STARD13: variants seen among roughly 807,000 people sequenced by gnomAD.
STARD13 encodes the protein StAR related lipid transfer domain containing 13.
In STARD13, 62 loss-of-function variants were observed where a neutral mutation model predicts 106.4. That is an observed-to-expected ratio of 0.58 (90% confidence interval 0.48 to 0.72). STARD13 has a LOEUF of 0.72. Ranked by LOEUF, STARD13 falls within the 30% of genes least tolerant of loss-of-function variation. STARD13 has a pLI of 0.00. For synonymous variants in STARD13, 565 were observed against 553.0 expected, an observed-to-expected ratio of 1.02 and a Z score of -0.31; for missense variants, 1,387 against 1,424.0, an observed-to-expected ratio of 0.97 and a Z score of 0.42.
the STARD13 span, among the ~76,000 whole-genome samples, chr13:33,526,480 A>G: frequency 6.6e-6 from 1 of 152,098 alleles, no homozygotes; most frequent in African/African-American, 2.4e-5. Flanking sequence ...GCTTATTTCC[A>G]TGGCTTTCTC....
At chr13:33,256,002 T>C (rs911620654) in intron 1 of STARD13, among the ~76,000 whole-genome samples, 4 of 152,218 alleles carry the variant, frequency 2.6e-5, no homozygotes, top group Non-Finnish European at 5.9e-5. Context: ...TAAATATACA[T>C]ACATAAGTTG....
chr13:33,211,093 T>C (rs117258661), intron 1 of STARD13, among the ~76,000 whole-genome samples: 3,577 of 152,160 alleles, frequency 0.024, 67 homozygotes, highest in Non-Finnish European at 0.037. Flanking sequence ...GGATCATTCC[T>C]TTTTAGTAAA....
At chr13:33,313,559 C>T (rs974964862) in intron 1 of STARD13, among the ~76,000 whole-genome samples, 1 of 152,134 alleles carries the variant, frequency 6.6e-6, no homozygotes, top group African/African-American at 2.4e-5. Flanking sequence ...TTCTGGAAAG[C>T]ATCCCACAAT....
At chr13:33,461,957 TTCTC>T in the STARD13 span, among the ~76,000 whole-genome samples, 2 of 152,144 alleles carry the variant, frequency 1.3e-5, no homozygotes, top group Non-Finnish European at 2.9e-5. Context: ...CTATATGATT[TTCTC>T]TCTAATTTTT....
At chr13:33,447,229 G>A in the STARD13 span, among the ~76,000 whole-genome samples, 25 of 152,136 alleles carry the variant, frequency 1.6e-4, no homozygotes, top group Non-Finnish European at 2.9e-5. Flanking sequence ...ACCTAAAAAC[G>A]TCCGTCTCTT....
the STARD13 span, among the ~76,000 whole-genome samples, chr13:33,468,306 A>G: frequency 6.6e-6 from 1 of 152,140 alleles, no homozygotes; most frequent in Non-Finnish European, 1.5e-5. Flanking sequence ...TTTAGCTTTT[A>G]CCTTTTACTG....
At position 33,130,076 on chromosome 13, in the gene STARD13, C is replaced by G; in HGVS notation, c.601G>C (p.Glu201Gln). Reference sequence around the variant, plus strand: ...CGACTGTCGCTGCCTCCACTGCTTTCGCTGTGAATGGAGCAGACCTCAGGC... The same window carrying G: ...CGACTGTCGCTGCCTCCACTGCTTTGGCTGTGAATGGAGCAGACCTCAGGC... ...SEPEVCSIHS[E>Q]SSGGSDSRSQ... The change falls in exon 5 of 14, where the codon GAA becomes CAA. Residue 201 changes from glutamate (E) to glutamine (Q), a missense_variant. Coordinates refer to ENST00000336934, the MANE Select transcript of STARD13 (RefSeq NM_178006.4). This position sits in a 1 kb window ranked among gnomAD's most constrained non-coding sequence, Gnocchi z 4.1. 1 of 1,613,970 alleles carries G rather than the reference C, an allele frequency of 6.2e-7. No individual in the cohort carries two copies. Among genetic ancestry groups the G allele is most frequent in the Non-Finnish European group, 8.5e-7 (1 of 1,179,976 alleles).
chr13:33,107,852 T>C (rs1194014117), intron 12 of STARD13, among the ~76,000 whole-genome samples: 2 of 152,158 alleles, frequency 1.3e-5, no homozygotes, highest in Non-Finnish European at 1.5e-5. Context: ...CAGGGATCTA[T>C]CATAATAGAT....
chr13:33,413,320 C>T, the STARD13 span, among the ~76,000 whole-genome samples: 2 of 151,664 alleles, frequency 1.3e-5, no homozygotes, highest in African/African-American at 4.8e-5. Context: ...GGAAAAGTCT[C>T]AAATCAATAA....
chr13:33,294,794 T>G (rs553241771), intron 1 of STARD13, among the ~76,000 whole-genome samples: 10 of 152,322 alleles, frequency 6.6e-5, no homozygotes, highest in Non-Finnish European at 7.3e-5. Flanking sequence ...CCTCCCATCT[T>G]GAACAACAGT....
chr13:33,312,893 A>T (rs550325930), intron 1 of STARD13, among the ~76,000 whole-genome samples: 12 of 152,356 alleles, frequency 7.9e-5, no homozygotes, highest in Non-Finnish European at 1.8e-4. Flanking sequence ...TTGTTGAGCC[A>T]GATTTACCAG....
intron 1 of STARD13, among the ~76,000 whole-genome samples, chr13:33,283,460 G>A (rs1475128214): frequency 6.6e-6 from 1 of 152,144 alleles, no homozygotes; most frequent in Non-Finnish European, 1.5e-5. Context: ...AATGATTTTG[G>A]TATGCTGTAA....
the STARD13 span, among the ~76,000 whole-genome samples, chr13:33,425,564 G>A: frequency 6.6e-6 from 1 of 152,136 alleles, no homozygotes; most frequent in Admixed American, 6.5e-5. Context: ...GAACTTAGTG[G>A]CCAGTTGTCA....
At chr13:33,352,299 A>G (rs2078086238), upstream of STARD13, among the ~76,000 whole-genome samples, 1 of 152,206 alleles carries the variant, frequency 6.6e-6, no homozygotes, top group Admixed American at 6.5e-5. Flanking sequence ...AGTGGCTGCT[A>G]TACAGTGTAA....
chr13:33,126,034 C>T, intron 7 of STARD13, 47 bp downstream of exon 7: 1 of 1,604,068 alleles, frequency 6.2e-7, no homozygotes, highest in South Asian at 1.1e-5. Flanking sequence ...CAATCCAATC[C>T]CATGGTTGGG....
intron 1 of STARD13, among the ~76,000 whole-genome samples, chr13:33,210,239 C>T (rs1375429101): frequency 6.6e-6 from 1 of 152,236 alleles, no homozygotes; most frequent in African/African-American, 2.4e-5. Context: ...AAGGGAGGAG[C>T]CCTTACAAAG....
chr13:33,501,948 T>C, the STARD13 span, among the ~76,000 whole-genome samples: 1 of 152,204 alleles, frequency 6.6e-6, no homozygotes, highest in Non-Finnish European at 1.5e-5. Flanking sequence ...GGGGATGGCA[T>C]TGAATCTACA....
the STARD13 span, among the ~76,000 whole-genome samples, chr13:33,398,699 C>A: frequency 6.6e-6 from 1 of 152,030 alleles, no homozygotes. Context: ...TTAAAGATTC[C>A]CAATATTATC....
the STARD13 span, among the ~76,000 whole-genome samples, chr13:33,551,833 G>C: frequency 6.6e-6 from 1 of 151,694 alleles, no homozygotes; most frequent in Admixed American, 6.6e-5. Context: ...CCTGACCTCA[G>C]GTGATCCACT....
Sources: allele counts gnomAD v4.1 joint callset (sites outside exome capture counted in the v4.1 genomes callset), GRCh38; gene constraint gnomAD v4.1.1; non-coding constraint Gnocchi (gnomAD v3.1); transcripts MANE v1.5; gene names NCBI Gene and HGNC (gene_info 2026-07-23, HGNC 2026-07-21).